The following NALF1 variants were observed in gnomAD, a reference collection of about 807,000 sequenced individuals.
NALF1 encodes family with sequence similarity 155 member A.
NALF1 carries 3 observed loss-of-function variants against 48.4 expected under a neutral mutation model. The ratio of observed to expected loss-of-function variants is 0.06; its 90% CI spans 0.03 to 0.16. The LOEUF is 0.16. Among genes scored for constraint, NALF1 ranks in the 10% least tolerant of loss-of-function variants. The pLI is 1.00. For synonymous variants in NALF1, 262 were observed against 245.7 expected, an observed-to-expected ratio of 1.07 and a Z score of -0.62; for missense variants, 526 against 571.5, an observed-to-expected ratio of 0.92 and a Z score of 0.81.
intron 1 of NALF1, among the ~76,000 whole-genome samples, chr13:107,746,145 A>C (rs945992300): frequency 6.6e-6 from 1 of 152,148 alleles, no homozygotes; most frequent in African/African-American, 2.4e-5. Flanking sequence ...TTGTTAATTT[A>C]TGTATTGTTT....
intron 1 of NALF1, among the ~76,000 whole-genome samples, chr13:107,575,882 C>T (rs2476502): frequency 0.89 from 136,079 of 152,132 alleles, 62,314 homozygotes; most frequent in East Asian, 1. Context: ...AGTGCAAAGA[C>T]GTATGTTTGG....
rs376618324 is a variant in NALF1 at position 107,643,157 on chromosome 13, G to A, written c.915+222525C>T. Among the ~76,000 whole-genome samples the A allele has an allele frequency of 3.9e-5, 6 of 152,142 alleles. No individual in the cohort carries two copies. In the East Asian group the frequency reaches 1.2e-3, roughly 29 times the overall value. ...CAGACAGAGTCCGCCATGGGTTATG[G>A]TCTTCACTTAATTCCCAAGAAGATG... On this transcript the variant is annotated intron_variant, in intron 1 of 2. Coordinates refer to ENST00000375915, the MANE Select transcript of NALF1 (RefSeq NM_001080396.3).
At chr13:107,273,774 G>C (rs537842642) in intron 1 of NALF1, among the ~76,000 whole-genome samples, 7 of 152,264 alleles carry the variant, frequency 4.6e-5, no homozygotes, top group Admixed American at 1.3e-4. Flanking sequence ...CCATAGAACA[G>C]AACAGGGTTG....
intron 1 of NALF1, among the ~76,000 whole-genome samples, chr13:107,622,049 G>C (rs1159945064): frequency 6.6e-6 from 1 of 151,654 alleles, no homozygotes; most frequent in Non-Finnish European, 1.5e-5. Context: ...CTGGAGTACA[G>C]TGACGCTATC....
chr13:107,736,180 T>TAC (rs1030266206), intron 1 of NALF1, among the ~76,000 whole-genome samples: 30 of 106,544 alleles, frequency 2.8e-4, no homozygotes, highest in African/African-American at 9.6e-4. Context: ...TACGCATGCA[T>TAC]ACACACACAC....
intron 1 of NALF1, among the ~76,000 whole-genome samples, chr13:107,608,661 C>T (rs553540937): frequency 1.3e-5 from 2 of 152,230 alleles, no homozygotes; most frequent in Admixed American, 1.3e-4. Flanking sequence ...AGGGCACTTA[C>T]TATATGTCGA....
intron 1 of NALF1, among the ~76,000 whole-genome samples, chr13:107,746,939 C>G (rs527849974): frequency 2.0e-5 from 3 of 152,264 alleles, no homozygotes; most frequent in African/African-American, 7.2e-5. Flanking sequence ...AGCTGTAAAA[C>G]TCTTAGAAGA....
At chr13:107,299,738 C>T (rs1881803633) in intron 1 of NALF1, among the ~76,000 whole-genome samples, 1 of 151,336 alleles carries the variant, frequency 6.6e-6, no homozygotes, top group Non-Finnish European at 1.5e-5. Context: ...ATTTGAATAA[C>T]GTTGTTGTCT....
In NALF1 at chr13:107,169,316, T is replaced by A. The variant is rs1878740645; in HGVS notation, c.*1181A>T. The A allele has an allele frequency of 6.6e-6, 1 of 152,244 alleles. No individual in the cohort carries two copies. Among genetic ancestry groups the A allele is most frequent in the South Asian group, 2.1e-4 (1 of 4,834 alleles). The allele number at this position is 152,244 out of a possible 1,614,324, so 9.4% of individuals were successfully genotyped here. Reference sequence around the variant, plus strand: ...ACCATATGTTAGGGAAATACTGGAATAAAATTGTGTATATTCTGTATATTG... The same window carrying A: ...ACCATATGTTAGGGAAATACTGGAAAAAAATTGTGTATATTCTGTATATTG... On this transcript the variant is annotated 3_prime_UTR_variant, in exon 3 of 3. Coordinates refer to ENST00000375915, the MANE Select transcript of NALF1 (RefSeq NM_001080396.3).
chr13:107,269,913 ATTTTTTTTTTTT>A (rs71121514), intron 1 of NALF1, among the ~76,000 whole-genome samples: 60 of 89,048 alleles, frequency 6.7e-4, no homozygotes, highest in African/African-American at 1.7e-3. Context: ...CGCCCGGCTA[ATTTTTTTTTTTT>A]TTTTTTTTTT....
intron 1 of NALF1, among the ~76,000 whole-genome samples, chr13:107,333,714 C>A (rs969935162): frequency 1.3e-5 from 2 of 152,198 alleles, no homozygotes; most frequent in African/African-American, 4.8e-5. Flanking sequence ...CCATAAAATG[C>A]ATTACTAATG....
chr13:107,680,393 C>T (rs900888536), intron 1 of NALF1, among the ~76,000 whole-genome samples: 8 of 132,050 alleles, frequency 6.1e-5, no homozygotes, highest in African/African-American at 1.3e-4. Flanking sequence ...CCGGCTCTTA[C>T]GTTCATACGT....
At chr13:107,849,042 A>G (rs957298170) in intron 1 of NALF1, among the ~76,000 whole-genome samples, 9 of 152,198 alleles carry the variant, frequency 5.9e-5, no homozygotes, top group Admixed American at 3.9e-4. Flanking sequence ...TGTAGTTTAC[A>G]ACAACACCCA....
rs1403843661 is a variant in NALF1, at chr13:107,268,257, G to A, written c.916-57502C>T. ...GCCGCCTCGGCCTCCCAAAGTGCCAGGATTACAGGTGTGAGCCACCGCACC... is the reference window on the plus strand; with the variant it reads ...GCCGCCTCGGCCTCCCAAAGTGCCAAGATTACAGGTGTGAGCCACCGCACC... On this transcript the variant is annotated intron_variant, in intron 1 of 2. Transcript: ENST00000375915. 9.9e-5 allele frequency among the ~76,000 whole-genome samples: 15 copies of A among 152,004 alleles called. No homozygotes were observed. The East Asian group carries it at 2.9e-3, about 29-fold the overall frequency.
intron 1 of NALF1, among the ~76,000 whole-genome samples, chr13:107,367,099 C>A: frequency 6.6e-6 from 1 of 152,128 alleles, no homozygotes; most frequent in Non-Finnish European, 1.5e-5. Context: ...CGCAGAAAAG[C>A]GAAAAGTAAG....
At chr13:107,278,303 C>T (rs766398078) in intron 1 of NALF1, among the ~76,000 whole-genome samples, 2 of 152,152 alleles carry the variant, frequency 1.3e-5, no homozygotes, top group Non-Finnish European at 2.9e-5. Context: ...TTTCATTTAT[C>T]GTCTGCCAAA....
chr13:107,593,122 G>A lies in NALF1; in HGVS notation c.915+272560C>T, dbSNP rs185176251. Among the ~76,000 whole-genome samples the A allele has an allele frequency of 3.2e-4, 49 of 151,850 alleles. No individual in the cohort carries two copies. In the East Asian group the frequency reaches 6.8e-3, roughly 21 times the overall value. On this transcript the variant is annotated intron_variant, in intron 1 of 2. Transcript: ENST00000375915. ...ATCTCCTTGACGAAGTACATATTGT[G>A]TTCATTTTTAAATTAATTAAGCAAT...
At chr13:107,705,526 A>G (rs201182459) in intron 1 of NALF1, among the ~76,000 whole-genome samples, 1 of 138,186 alleles carries the variant, frequency 7.2e-6, no homozygotes, top group Non-Finnish European at 1.6e-5. Context: ...ATATATATAT[A>G]TGTATATAAT....
chr13:107,814,283 C>T lies in NALF1; in HGVS notation c.915+51399G>A, dbSNP rs1441834780. Among the ~76,000 whole-genome samples the T allele has an allele frequency of 2.0e-5, 3 of 152,108 alleles. No individual in the cohort carries two copies. In the South Asian group the frequency reaches 6.2e-4, roughly 32 times the overall value. On this transcript the variant is annotated intron_variant, in intron 1 of 2. Coordinates refer to ENST00000375915, the MANE Select transcript of NALF1 (RefSeq NM_001080396.3). The stretch of plus-strand genomic sequence containing the variant: ...GGTATTTTTAGACAATACCCCTATC[C>T]ATCATCCTCAATCTGTCTACACCAC...
Sources: allele counts gnomAD v4.1 joint callset (sites outside exome capture counted in the v4.1 genomes callset), GRCh38; gene constraint gnomAD v4.1.1; transcripts MANE v1.5; gene names NCBI Gene and HGNC (gene_info 2026-07-23, HGNC 2026-07-21).